The following CPEB4 variants were observed in gnomAD, a reference collection of about 807,000 sequenced individuals.
CPEB4 encodes the protein cytoplasmic polyadenylation element-binding protein 4.
CPEB4 carries 12 observed loss-of-function variants against 72.5 expected under a neutral mutation model. The ratio of observed to expected loss-of-function variants is 0.17; its 90% CI spans 0.11 to 0.27. The LOEUF is 0.27. Among genes scored for constraint, CPEB4 ranks in the 10% least tolerant of loss-of-function variants. The probability of loss-of-function intolerance (pLI) is 1.00; values close to 1 mark genes in which losing one functional copy is unlikely to be tolerated. For synonymous variants in CPEB4, 302 were observed against 326.3 expected (o/e 0.93, Z 0.80); for missense variants, 614 against 908.5 (o/e 0.68, Z 4.17).
At chr5:173,953,042 G>A in intron 8 of CPEB4, 49 bp from the exon 9 acceptor site, 1 of 1,488,042 alleles carries the variant, frequency 6.7e-7, no homozygotes, top group Non-Finnish European at 9.1e-7. Context: ...TGGTGAGCCA[G>A]ATGAATTTTC....
chr5:173,893,858 T>TC (rs1187706923), intron 1 of CPEB4, among the ~76,000 whole-genome samples: 1 of 152,102 alleles, frequency 6.6e-6, no homozygotes, highest in Non-Finnish European at 1.5e-5. Flanking sequence ...TTCATAATCC[T>TC]CCCCCCCAAT....
intron 5 of CPEB4, among the ~76,000 whole-genome samples, chr5:173,947,917 G>A (rs540500840): frequency 2.4e-4 from 37 of 152,172 alleles, no homozygotes; most frequent in South Asian, 1.0e-3. Flanking sequence ...GAGTATCTTC[G>A]TAGGCCAGAA....
intron 8 of CPEB4, 140 bp downstream of exon 8, chr5:173,952,078 G>A: frequency 1.6e-6 from 1 of 637,958 alleles, no homozygotes; most frequent in Non-Finnish European, 2.8e-6. Flanking sequence ...TTGAATTCAT[G>A]TGTTCTAATA....
intron 3 of CPEB4, among the ~76,000 whole-genome samples, chr5:173,934,291 AT>A (rs1323932629): frequency 1.3e-5 from 2 of 152,228 alleles, no homozygotes; most frequent in African/African-American, 2.4e-5. Context: ...CAATAAAAAA[AT>A]AAAAGTAACT....
At chr5:173,898,134 A>G (rs1282258053) in intron 1 of CPEB4, among the ~76,000 whole-genome samples, 1 of 152,198 alleles carries the variant, frequency 6.6e-6, no homozygotes, top group Non-Finnish European at 1.5e-5. Context: ...ATTTTTTAGT[A>G]GACCAAAACT....
chr5:173,907,887 G>T (rs1756502937), intron 1 of CPEB4, among the ~76,000 whole-genome samples: 1 of 152,180 alleles, frequency 6.6e-6, no homozygotes, highest in Admixed American at 6.5e-5. Context: ...ACCCTGTTGT[G>T]GTAGGCATAC....
At chr5:173,951,679 T>G in intron 7 of CPEB4, 145 bp from the exon 8 acceptor site, 3 of 601,706 alleles carry the variant, frequency 5.0e-6, no homozygotes, top group Non-Finnish European at 9.1e-6. Flanking sequence ...GGATACACTG[T>G]TTTTAAATCT....
intron 2 of CPEB4, 57 bp downstream of exon 2, chr5:173,910,661 C>A: frequency 9.1e-7 from 1 of 1,103,974 alleles, no homozygotes; most frequent in Non-Finnish European, 1.4e-6. Context: ...TGTGTATTAA[C>A]TATTTAATCT....
Position 173,955,285 on chromosome 5 carries a change from C to G in CPEB4, c.1963-625C>G, listed in dbSNP as rs1758343573. Among the ~76,000 whole-genome samples the G allele has an allele frequency of 1.3e-5, 2 of 151,910 alleles. No individual in the cohort carries two copies. On this transcript the variant is annotated intron_variant, in intron 9 of 9. Transcript: ENST00000265085. The surrounding 1 kb of genome is among the most constrained non-coding windows in gnomAD (Gnocchi z 4.7). ...GACTTTTAGACTCAGGTGAACCATT[C>G]TTACTGAGAAAGAACAAAGCAGGGT... is the stretch of plus-strand genomic sequence containing the variant.
rs1176056262 is a variant in CPEB4, at chr5:173,910,686, CAAATATTATGG to C, written c.1207+84_1207+94del. On this transcript the variant is annotated intron_variant, in intron 2 of 9. Transcript: ENST00000265085. ...CTATTTAATCTGATACACAGTATGG[CAAATATTATGG>C]AGTCACTTTGTATGCAGTAAGTTCT... The C allele has an allele frequency of 4.5e-6, 4 of 887,524 alleles. No homozygotes were observed. The Admixed American group carries it at 7.8e-5, about 17-fold the overall frequency. 55.0% of individuals were successfully genotyped at this position (887,524 alleles called of 1,614,324 possible).
At chr5:173,942,960 C>A (rs1436767469) in intron 3 of CPEB4, 66 bp from the exon 4 acceptor site, 3 of 1,509,742 alleles carry the variant, frequency 2.0e-6, no homozygotes, top group East Asian at 4.6e-5. Flanking sequence ...ACAGTTGATT[C>A]TTTTGACAAT....
At chr5:173,951,114 TC>T (rs1758202064) in intron 7 of CPEB4, among the ~76,000 whole-genome samples, 1 of 152,120 alleles carries the variant, frequency 6.6e-6, no homozygotes, top group Non-Finnish European at 1.5e-5. Flanking sequence ...TTGTTTATGT[TC>T]CCTGCCAATC....
chr5:173,901,495 G>C (rs1724982412), intron 1 of CPEB4, among the ~76,000 whole-genome samples: 1 of 152,212 alleles, frequency 6.6e-6, no homozygotes, highest in Non-Finnish European at 1.5e-5. Flanking sequence ...AATCTCTGAT[G>C]CTCGTTGTCT....
rs1469158626 is a variant in CPEB4, at chr5:173,950,837, T to C, written c.1665+759T>C. On this transcript the variant is annotated intron_variant, in intron 7 of 9. Transcript: ENST00000265085. The surrounding 1 kb of genome is among the most constrained non-coding windows in gnomAD (Gnocchi z 5.0). ...TCGTGTATATACATGTACAGGTACA[T>C]TGCATACTGTTTTTTCTTTCTGGAA... Among the ~76,000 whole-genome samples the C allele has an allele frequency of 6.6e-6, 1 of 152,206 alleles. No individual in the cohort carries two copies. The highest frequency in any genetic ancestry group is 1.9e-4 in the East Asian group (1 of 5,202).
At chr5:173,938,360 C>T (rs1263916177) in intron 3 of CPEB4, among the ~76,000 whole-genome samples, 1 of 151,972 alleles carries the variant, frequency 6.6e-6, no homozygotes, top group East Asian at 1.9e-4. Flanking sequence ...CAAGTAGCTG[C>T]GATTACAGGC....
chr5:173,893,900 A>G (rs1472181091), intron 1 of CPEB4, among the ~76,000 whole-genome samples: 1 of 152,146 alleles, frequency 6.6e-6, no homozygotes, highest in Non-Finnish European at 1.5e-5. Flanking sequence ...TATTTGGAGG[A>G]TTTTTGTATA....
At position 173,949,990 on chromosome 5, in the gene CPEB4, G is replaced by T. The variant is rs1389097900; in HGVS notation, c.1577G>T (p.Ser526Ile). The change falls in exon 7 of 10, where the codon AGC becomes ATC. Residue 526 changes from serine (S) to isoleucine (I), a missense_variant. Around this residue, in one of 5 missense-constraint regions of CPEB4, gnomAD observed 23 missense variants for 21.8 expected, o/e 1.05. Coordinates refer to ENST00000265085, the MANE Select transcript of CPEB4 (RefSeq NM_030627.4). Reference protein sequence around the residue: ...GYAFLLFQDESSVQALIDACI... With the variant: ...GYAFLLFQDEISVQALIDACI... ...GCATTCCTGCTGTTTCAAGATGAAAGCTCTGTGCAGGCTCTCATTGATGCA... is the reference window on the plus strand; with the variant it reads ...GCATTCCTGCTGTTTCAAGATGAAATCTCTGTGCAGGCTCTCATTGATGCA... 4 of 1,610,646 alleles carry T rather than the reference G, an allele frequency of 2.5e-6. No homozygotes were observed. The highest frequency in any genetic ancestry group is 3.4e-6 in the Non-Finnish European group (4 of 1,178,772).
At chr5:173,936,716 A>G (rs1757633206) in intron 3 of CPEB4, among the ~76,000 whole-genome samples, 1 of 152,106 alleles carries the variant, frequency 6.6e-6, no homozygotes. Flanking sequence ...TGAGATAGAC[A>G]TTGGATTAAA....
In CPEB4 at chr5:173,888,392, G is replaced by T; in HGVS notation, c.-1342G>T. 1 of 453,288 alleles carries T rather than the reference G, an allele frequency of 2.2e-6. No individual in the cohort carries two copies. Among genetic ancestry groups the T allele is most frequent in the Non-Finnish European group, 3.8e-6 (1 of 262,760 alleles). 28.1% of individuals were successfully genotyped at this position (453,288 alleles called of 1,614,324 possible). On this transcript the variant is annotated 5_prime_UTR_variant, in exon 1 of 10. Transcript: ENST00000265085. The surrounding 1 kb of genome is among the most constrained non-coding windows in gnomAD (Gnocchi z 4.3). The stretch of plus-strand genomic sequence containing the variant: ...GAGAAGGACTCAGCCGCGGCTGCGG[G>T]ACCCGGGCACCGGGAGGCGGTGGCG...
Sources: gnomAD v4.1 joint callset for allele counts (sites outside exome capture counted in the v4.1 genomes callset) on GRCh38, gnomAD v4.1.1 for gene constraint, gnomAD v4.1.1 regional missense constraint, Gnocchi (gnomAD v3.1) non-coding constraint, MANE v1.5 for transcripts, NCBI Gene and HGNC (gene_info 2026-07-23, HGNC 2026-07-21) for gene names.